ANTXR1: variants seen among roughly 807,000 people sequenced by gnomAD.
ANTXR1 encodes anthrax toxin receptor 1.
In ANTXR1, 19 loss-of-function variants were observed where a neutral mutation model predicts 78.1. That is an observed-to-expected ratio of 0.24 (90% CI 0.17 to 0.36). ANTXR1 has a LOEUF of 0.36. Ranked by LOEUF, ANTXR1 falls within the 10% of genes least tolerant of loss-of-function variation. The pLI is 1.00. For synonymous variants in ANTXR1, 273 were observed against 260.5 expected (o/e 1.05, Z -0.46); for missense variants, 518 against 718.6 (o/e 0.72, Z 3.19).
intron 12 of ANTXR1, among the ~76,000 whole-genome samples, chr2:69,142,274 C>T (rs1673091785): frequency 6.6e-6 from 1 of 152,210 alleles, no homozygotes; most frequent in South Asian, 2.1e-4. Flanking sequence ...CTATAGGCGG[C>T]ATCAGCCTGC....
intron 13 of ANTXR1, among the ~76,000 whole-genome samples, chr2:69,163,333 G>A (rs1054543914): frequency 2.6e-5 from 4 of 151,680 alleles, no homozygotes; most frequent in Non-Finnish European, 5.9e-5. Context: ...AGCAATTTGC[G>A]TGGTTCCAAA....
At position 69,146,453 on chromosome 2, in the gene ANTXR1, G is replaced by C. The variant is rs564124255; in HGVS notation, c.952-5716G>C. 87 of 885,510 alleles carry C rather than the reference G, an allele frequency of 9.8e-5. No homozygotes were observed. In the Middle Eastern group the frequency reaches 4.1e-3, roughly 41 times the overall value. The allele number at this position is 885,510 out of a possible 1,614,324, so 54.9% of individuals were successfully genotyped here. A position where few individuals can be genotyped will look rare whatever the true frequency, so the allele number is the denominator to read the frequency against. On this transcript the variant is annotated intron_variant, in intron 12 of 17. Transcript: ENST00000303714. ...GAAAATAACATTGGTAAGACTCCAC[G>C]TGTGGCTGTTTGCTGTTTCTCCCCC...
At chr2:69,067,945 G>C (rs1375032759) in intron 3 of ANTXR1, among the ~76,000 whole-genome samples, 2 of 152,218 alleles carry the variant, frequency 1.3e-5, no homozygotes, top group Non-Finnish European at 2.9e-5. Context: ...TGGAATATTA[G>C]AGGTAATATA....
chr2:69,037,391 AGGCAG>A (rs548161825), intron 1 of ANTXR1, among the ~76,000 whole-genome samples: 8 of 152,348 alleles, frequency 5.3e-5, no homozygotes, highest in African/African-American at 1.9e-4. Flanking sequence ...TGAGAGCATA[AGGCAG>A]GGCCTTATGC....
At chr2:69,053,331 C>A (rs963855487) in intron 3 of ANTXR1, among the ~76,000 whole-genome samples, 38 of 152,170 alleles carry the variant, frequency 2.5e-4, no homozygotes, top group African/African-American at 8.9e-4. Context: ...AGAGACCCAG[C>A]AGTCTTTCCA....
chr2:69,081,178 G>A (rs922906508), intron 8 of ANTXR1, among the ~76,000 whole-genome samples: 2 of 152,240 alleles, frequency 1.3e-5, no homozygotes, highest in African/African-American at 4.8e-5. Context: ...TGAGGTGCAA[G>A]AAGGTTGGAG....
chr2:69,090,187 G>A (rs1417789238), intron 8 of ANTXR1, among the ~76,000 whole-genome samples: 4 of 151,818 alleles, frequency 2.6e-5, no homozygotes, highest in African/African-American at 4.8e-5. Context: ...TTGGTCATCT[G>A]ACTATGCAGC....
chr2:69,131,271 C>A (rs149318112), intron 12 of ANTXR1, among the ~76,000 whole-genome samples: 1 of 152,268 alleles, frequency 6.6e-6, no homozygotes, highest in Non-Finnish European at 1.5e-5. Context: ...TGTTGCCAGA[C>A]AAAGACTCCA....
intron 12 of ANTXR1, among the ~76,000 whole-genome samples, chr2:69,135,657 T>C (rs1672888107): frequency 6.6e-6 from 1 of 152,142 alleles, no homozygotes; most frequent in Non-Finnish European, 1.5e-5. Context: ...CATTACATAA[T>C]GTTAAAAGGA....
intron 3 of ANTXR1, among the ~76,000 whole-genome samples, chr2:69,056,967 C>A (rs1165858980): frequency 1.3e-5 from 2 of 152,162 alleles, no homozygotes; most frequent in Non-Finnish European, 2.9e-5. Context: ...GCATGAGCCA[C>A]CACAACCAGC....
chr2:69,050,889 GT>G (rs1669911230), intron 3 of ANTXR1, among the ~76,000 whole-genome samples: 1 of 151,922 alleles, frequency 6.6e-6, no homozygotes, highest in Non-Finnish European at 1.5e-5. Context: ...CATCAGTTCT[GT>G]TTTATATATT....
At chr2:69,113,529 G>A (rs1672054571) in intron 10 of ANTXR1, among the ~76,000 whole-genome samples, 1 of 152,202 alleles carries the variant, frequency 6.6e-6, no homozygotes, top group Non-Finnish European at 1.5e-5. Context: ...CTGGCAGCCA[G>A]CAAGCATCCC....
At chr2:69,160,813 T>C (rs750272330) in intron 13 of ANTXR1, among the ~76,000 whole-genome samples, 1 of 152,196 alleles carries the variant, frequency 6.6e-6, no homozygotes, top group Non-Finnish European at 1.5e-5. Flanking sequence ...GGCCTGTCAC[T>C]ACCTGTACTC....
At chr2:69,053,517 C>G (rs1245862002) in intron 3 of ANTXR1, among the ~76,000 whole-genome samples, 1 of 152,102 alleles carries the variant, frequency 6.6e-6, no homozygotes, top group Non-Finnish European at 1.5e-5. Context: ...CCACATCATG[C>G]AGAAATTCAA....
chr2:69,118,658 G>A (rs1271036522), intron 10 of ANTXR1, among the ~76,000 whole-genome samples: 2 of 152,102 alleles, frequency 1.3e-5, no homozygotes, highest in African/African-American at 2.4e-5. Flanking sequence ...AGTGGATCGC[G>A]GCCCCACATA....
chr2:69,099,540 A>G (rs149310126), intron 9 of ANTXR1, among the ~76,000 whole-genome samples: 255 of 152,352 alleles, frequency 1.7e-3, no homozygotes, highest in African/African-American at 5.8e-3. Flanking sequence ...CAAAGAGGCC[A>G]CAGCATTTTA....
intron 3 of ANTXR1, among the ~76,000 whole-genome samples, chr2:69,062,143 C>G (rs999454549): frequency 2.3e-4 from 35 of 152,122 alleles, no homozygotes; most frequent in Middle Eastern, 3.2e-3. Context: ...GACAGACACT[C>G]TGCAGGGATA....
At chr2:69,108,373 C>T (rs903525971) in intron 10 of ANTXR1, among the ~76,000 whole-genome samples, 10 of 152,112 alleles carry the variant, frequency 6.6e-5, no homozygotes, top group African/African-American at 2.4e-4. Flanking sequence ...AAAATAAATA[C>T]CTTGCTTATA....
intron 16 of ANTXR1, among the ~76,000 whole-genome samples, chr2:69,187,611 CAG>C (rs1217530043): frequency 1.1e-4 from 11 of 96,068 alleles, no homozygotes; most frequent in African/African-American, 6.6e-4. Context: ...TTTTTTGAGA[CAG>C]AGTCTCACTC....
Sources: allele counts gnomAD v4.1 joint callset (sites outside exome capture counted in the v4.1 genomes callset), GRCh38; gene constraint gnomAD v4.1.1; transcripts MANE v1.5; gene names NCBI Gene and HGNC (gene_info 2026-07-23, HGNC 2026-07-21).